The following PRSS55 variants were observed in gnomAD, a reference collection of about 807,000 sequenced individuals.
PRSS55 encodes serine protease 55.
In PRSS55, 41 loss-of-function variants were observed where a neutral mutation model predicts 23.6. The ratio of observed to expected loss-of-function variants is 1.74; its 90% confidence interval spans 1.35 to 2.26. The LOEUF (loss-of-function observed/expected upper bound fraction) is 2.26, where lower values mean the gene tolerates loss of function less well. Ranked by LOEUF, PRSS55 falls within the 30% of genes most tolerant of loss-of-function variation. The pLI is 0.00. For synonymous variants in PRSS55, 262 were observed against 175.5 expected (o/e 1.49, Z -3.90); for missense variants, 669 against 439.1 (o/e 1.52, Z -4.68).
At chr8:10,532,199 G>A (rs1381570373) in intron 3 of PRSS55, among the ~76,000 whole-genome samples, 6 of 152,172 alleles carry the variant, frequency 3.9e-5, no homozygotes, top group Non-Finnish European at 8.8e-5. Context: ...AACCGTGGGT[G>A]TTTCAGGAGT....
At chr8:10,538,235 C>T (rs1361238871) in intron 4 of PRSS55, among the ~76,000 whole-genome samples, 1 of 152,140 alleles carries the variant, frequency 6.6e-6, no homozygotes, top group Non-Finnish European at 1.5e-5. Context: ...ACCAAGGCTT[C>T]CCCCTTCCTT....
chr8:10,528,168 C>T (rs560700728), intron 1 of PRSS55, among the ~76,000 whole-genome samples: 3 of 147,338 alleles, frequency 2.0e-5, no homozygotes, highest in African/African-American at 5.0e-5. Flanking sequence ...CACTGCACTC[C>T]AGCCTGGGCG....
downstream of PRSS55, chr8:10,538,860 C>G (rs566855771): frequency 1.4e-6 from 2 of 1,423,302 alleles, no homozygotes; most frequent in Non-Finnish European, 1.9e-6. Context: ...AGCAGAGGCT[C>G]TGTCTGCAGC....
At chr8:10,546,443 T>C (rs1163537497) in intron 4 of PRSS55, among the ~76,000 whole-genome samples, 1 of 152,154 alleles carries the variant, frequency 6.6e-6, no homozygotes, top group Non-Finnish European at 1.5e-5. Context: ...CTTGATGCTC[T>C]TCACATCAAT....
At chr8:10,545,201 A>ATTT in intron 4 of PRSS55, 3 of 146,996 alleles carry the variant, frequency 2.0e-5, no homozygotes, top group Non-Finnish European at 4.3e-5. Flanking sequence ...AGCCCACACT[A>ATTT]TTTTTTTTTT....
intron 4 of PRSS55, among the ~76,000 whole-genome samples, chr8:10,534,682 T>G (rs902175982): frequency 2.0e-5 from 3 of 152,144 alleles, no homozygotes; most frequent in Non-Finnish European, 2.9e-5. Context: ...CTTTCATCAC[T>G]CCTATTCAAC....
chr8:10,528,018 G>C (rs1455734231), intron 1 of PRSS55, among the ~76,000 whole-genome samples: 6 of 152,088 alleles, frequency 3.9e-5, no homozygotes, highest in Non-Finnish European at 7.4e-5. Flanking sequence ...CTCTAGACCA[G>C]CCTGACCAAC....
intron 4 of PRSS55, 55 bp downstream of exon 4, chr8:10,533,103 C>T: frequency 6.3e-7 from 1 of 1,577,208 alleles, no homozygotes; most frequent in African/African-American, 1.3e-5. Flanking sequence ...TGGGAACTGC[C>T]AGTGCAAGGG....
rs547375021 is a variant in PRSS55, at chr8:10,543,823, C to A, written c.742-10120C>A. On this transcript the variant is annotated intron_variant, in intron 4 of 4. Transcript: ENST00000522210. ...ATTTAAGAGTGTGCTGTTTAATTTT[C>A]ATATATTTGCAATTATTCTTCTGTT... Among the ~76,000 whole-genome samples the A allele has an allele frequency of 5.3e-5, 8 of 152,042 alleles. No individual in the cohort carries two copies. The South Asian group carries it at 1.7e-3, about 32-fold the overall frequency.
At position 10,531,415 on chromosome 8, in the gene PRSS55, C is replaced by A; in HGVS notation, c.468C>A (p.Asp156Glu). ...KDFKRANMDN[D>E]IALLLLASPI... ...TTAAGAGAGCCAACATGGACAATGA[C>A]ATTGCCTTGCTGCTGCTGGCTTCGC... The change falls in exon 3 of 5, where the codon GAC (aspartate) becomes GAA (glutamate). Residue 156 changes from aspartate (D) to glutamate (E), a missense_variant. Physicochemically the swap from Asp to Glu is conservative, Grantham distance 45 (BLOSUM62 2). Transcript: ENST00000328655. 1 of 1,614,262 alleles carries A rather than the reference C, an allele frequency of 6.2e-7. No individual in the cohort carries two copies. The highest frequency in any genetic ancestry group is 8.5e-7 in the Non-Finnish European group (1 of 1,180,054).
At chr8:10,538,150 A>C (rs1812520048) in intron 4 of PRSS55, among the ~76,000 whole-genome samples, 1 of 152,070 alleles carries the variant, frequency 6.6e-6, no homozygotes, top group Non-Finnish European at 1.5e-5. Context: ...CTCATTTGAT[A>C]AGACCCTCAA....
chr8:10,541,874 T>C (rs1190240447), downstream of PRSS55, among the ~76,000 whole-genome samples: 1 of 152,088 alleles, frequency 6.6e-6, no homozygotes, highest in East Asian at 1.9e-4. Flanking sequence ...ACTCAGCCTC[T>C]CTAATAGCTG....
At chr8:10,553,827 GTTAA>G (rs1813002742) in intron 4 of PRSS55, 4 of 642,244 alleles carry the variant, frequency 6.2e-6, no homozygotes, top group Non-Finnish European at 1.0e-5. Flanking sequence ...TGATGGATAT[GTTAA>G]TTAGTTTAAT....
At chr8:10,549,401 G>A (rs34636890) in intron 4 of PRSS55, among the ~76,000 whole-genome samples, 39,188 of 152,160 alleles carry the variant, frequency 0.26, 5,378 homozygotes, top group Middle Eastern at 0.31. Context: ...GTGGCCTGTA[G>A]GGATGGCCCA....
At chr8:10,525,996 T>C (rs1422444406) in intron 1 of PRSS55, among the ~76,000 whole-genome samples, 1 of 152,192 alleles carries the variant, frequency 6.6e-6, no homozygotes, top group Non-Finnish European at 1.5e-5. Context: ...TAGAACTAGC[T>C]GAGACTGAGT....
downstream of PRSS55, among the ~76,000 whole-genome samples, chr8:10,539,660 G>A (rs1004310271): frequency 3.3e-5 from 5 of 152,140 alleles, no homozygotes; most frequent in African/African-American, 7.2e-5. Context: ...TAAGTCTCAC[G>A]AGATCTGATG....
At chr8:10,552,660 T>A (rs1812975675) in intron 4 of PRSS55, among the ~76,000 whole-genome samples, 1 of 152,180 alleles carries the variant, frequency 6.6e-6, no homozygotes, top group Non-Finnish European at 1.5e-5. Context: ...AGTGGCTAAA[T>A]GAAAAACTTC....
At chr8:10,544,456 T>C (rs1207292744) in intron 4 of PRSS55, among the ~76,000 whole-genome samples, 1 of 152,192 alleles carries the variant, frequency 6.6e-6, no homozygotes, top group African/African-American at 2.4e-5. Context: ...TGTTTGTTTA[T>C]CCAGTCTGAC....
At chr8:10,541,808 G>C (rs1330170409), downstream of PRSS55, among the ~76,000 whole-genome samples, 1 of 152,104 alleles carries the variant, frequency 6.6e-6, no homozygotes, top group African/African-American at 2.4e-5. Flanking sequence ...GCCCAGGCTG[G>C]AGTGCAGTGC....
Sources: allele counts gnomAD v4.1 joint callset (sites outside exome capture counted in the v4.1 genomes callset), GRCh38; gene constraint gnomAD v4.1.1; transcripts MANE v1.5; gene names NCBI Gene and HGNC (gene_info 2026-07-23, HGNC 2026-07-21).